Variants in RANBP3L observed in about 807,000 individuals in gnomAD.
RANBP3L encodes the protein RAN binding protein 3 like, also known as ran-binding protein 3-like.
In RANBP3L, 56 loss-of-function variants were observed where a neutral mutation model predicts 67.2. That is an observed-to-expected ratio of 0.83 (90% CI 0.67 to 1.04). The LOEUF is 1.04. Among genes scored for constraint, RANBP3L ranks in the 50% least tolerant of loss-of-function variants. The pLI is 0.00. For synonymous variants in RANBP3L, 164 were observed against 181.4 expected (o/e 0.90, Z 0.77); for missense variants, 496 against 535.5 (o/e 0.93, Z 0.73).
chr5:36,292,450 G>T (rs1300006125), intron 1 of RANBP3L, among the ~76,000 whole-genome samples: 1 of 152,096 alleles, frequency 6.6e-6, no homozygotes, highest in East Asian at 1.9e-4. Context: ...ATTGCTTTTG[G>T]TGTTTTAGAC....
intron 1 of RANBP3L, among the ~76,000 whole-genome samples, chr5:36,272,374 T>C (rs1007069278): frequency 6.6e-6 from 1 of 152,164 alleles, no homozygotes; most frequent in East Asian, 1.9e-4. Context: ...ATTACCAACA[T>C]ATTGTCTTGG....
At chr5:36,265,735 G>A (rs566785721) in intron 4 of RANBP3L, among the ~76,000 whole-genome samples, 3 of 152,270 alleles carry the variant, frequency 2.0e-5, no homozygotes, top group Admixed American at 2.0e-4. Context: ...CACTTTGGGA[G>A]GCCAAGGCGG....
At chr5:36,291,992 G>A (rs1382591252) in intron 1 of RANBP3L, among the ~76,000 whole-genome samples, 1 of 128,076 alleles carries the variant, frequency 7.8e-6, no homozygotes, top group Non-Finnish European at 1.7e-5. Flanking sequence ...TTCCACAATG[G>A]TTGAACTAGT....
intron 1 of RANBP3L, among the ~76,000 whole-genome samples, chr5:36,291,682 G>A (rs1359759885): frequency 6.7e-6 from 1 of 149,670 alleles, no homozygotes; most frequent in African/African-American, 2.5e-5. Context: ...AGTTTACTGA[G>A]AATGATAATT....
chr5:36,265,151 A>G (rs1351219688), intron 5 of RANBP3L, 53 bp from the exon 6 acceptor site: 3 of 1,130,262 alleles, frequency 2.7e-6, no homozygotes, highest in East Asian at 5.3e-5. Flanking sequence ...ATATTCCTTT[A>G]CTCCCTATTT....
chr5:36,268,382 T>G (rs1487304506), intron 4 of RANBP3L: 1 of 562,950 alleles, frequency 1.8e-6, no homozygotes, highest in African/African-American at 2.0e-5. Context: ...AAAAATCTTT[T>G]TATTTCTATT....
At chr5:36,272,126 T>TA (rs1750259110) in intron 1 of RANBP3L, among the ~76,000 whole-genome samples, 1 of 130,760 alleles carries the variant, frequency 7.6e-6, no homozygotes, top group Admixed American at 7.6e-5. Context: ...TTTCCTCATC[T>TA]GAAAAAAAAA....
At chr5:36,262,906 G>A (rs1749499016) in intron 6 of RANBP3L, among the ~76,000 whole-genome samples, 1 of 152,114 alleles carries the variant, frequency 6.6e-6, no homozygotes, top group African/African-American at 2.4e-5. Flanking sequence ...TCACTCCTAT[G>A]TTGGTTAAAA....
chr5:36,268,156 C>T, intron 4 of RANBP3L: 1 of 1,302,460 alleles, frequency 7.7e-7, no homozygotes. Context: ...TTTGAAAAGT[C>T]AGTGTCAGGC....
chr5:36,299,342 T>A (rs1752459121), intron 1 of RANBP3L, among the ~76,000 whole-genome samples: 1 of 142,384 alleles, frequency 7.0e-6, no homozygotes, highest in Non-Finnish European at 1.5e-5. Context: ...TATATGTGTG[T>A]GTGTGTGTGT....
At chr5:36,273,653 T>C (rs957283276) in intron 1 of RANBP3L, among the ~76,000 whole-genome samples, 2 of 152,136 alleles carry the variant, frequency 1.3e-5, no homozygotes, top group Non-Finnish European at 1.5e-5. Context: ...GTCAAGCCAT[T>C]GGGTCTACAG....
At chr5:36,251,554 T>C (rs1579665657) in intron 12 of RANBP3L, 55 bp from the exon 13 acceptor site, 3 of 1,386,754 alleles carry the variant, frequency 2.2e-6, no homozygotes, top group East Asian at 4.7e-5. Flanking sequence ...AGCTACATTT[T>C]ACAGATTTTT....
intron 1 of RANBP3L, among the ~76,000 whole-genome samples, chr5:36,280,522 A>T (rs1016731292): frequency 4.6e-5 from 7 of 152,204 alleles, no homozygotes; most frequent in African/African-American, 1.4e-4. Flanking sequence ...AGTCCTAAAA[A>T]CAGAATTTTT....
chr5:36,298,885 T>C (rs1350688584), intron 1 of RANBP3L, among the ~76,000 whole-genome samples: 1 of 152,208 alleles, frequency 6.6e-6, no homozygotes, highest in Non-Finnish European at 1.5e-5. Context: ...TCCAGGCTTC[T>C]CTGGATATTG....
At chr5:36,288,300 G>T (rs981403035) in intron 1 of RANBP3L, among the ~76,000 whole-genome samples, 1 of 152,100 alleles carries the variant, frequency 6.6e-6, no homozygotes, top group Non-Finnish European at 1.5e-5. Flanking sequence ...ATGGTTACAT[G>T]TATCAGTAAT....
At chr5:36,254,545 A>G (rs4869632) in intron 11 of RANBP3L, among the ~76,000 whole-genome samples, 6,407 of 151,956 alleles carry the variant, frequency 0.042, 481 homozygotes, top group East Asian at 0.31. Flanking sequence ...ATCAAACCAG[A>G]GTAGTAAATA....
chr5:36,258,083 AC>A (rs912111657), intron 8 of RANBP3L, among the ~76,000 whole-genome samples: 1 of 152,210 alleles, frequency 6.6e-6, no homozygotes, highest in African/African-American at 2.4e-5. Context: ...ATGGAAAAAA[AC>A]AAAAAAGTTA....
At chr5:36,293,390 T>C (rs1484016931) in intron 1 of RANBP3L, among the ~76,000 whole-genome samples, 10 of 142,718 alleles carry the variant, frequency 7.0e-5, no homozygotes, top group African/African-American at 2.4e-4. Flanking sequence ...GAATACCCTT[T>C]ATTTCCTTCT....
At chr5:36,262,212 G>T (rs192434890) in intron 6 of RANBP3L, among the ~76,000 whole-genome samples, 170 bp from the exon 7 acceptor site, 4 of 152,252 alleles carry the variant, frequency 2.6e-5, no homozygotes, top group African/African-American at 9.6e-5. Flanking sequence ...CTAACACTTT[G>T]TAATTCTATT....
Sources: allele counts gnomAD v4.1 joint callset (sites outside exome capture counted in the v4.1 genomes callset), GRCh38; gene constraint gnomAD v4.1.1; transcripts MANE v1.5; gene names NCBI Gene and HGNC (gene_info 2026-07-23, HGNC 2026-07-21).